FCHSD2: variants seen among roughly 807,000 people sequenced by gnomAD.
FCHSD2 encodes the protein F-BAR and double SH3 domains protein 2.
FCHSD2 carries 38 observed loss-of-function variants against 108.1 expected under a neutral mutation model. The ratio of observed to expected loss-of-function variants is 0.35; its 90% CI spans 0.27 to 0.46. The LOEUF is 0.46. Among genes scored for constraint, FCHSD2 ranks in the 20% least tolerant of loss-of-function variants. The pLI, the probability that FCHSD2 is intolerant of heterozygous loss-of-function variation, is 1.00. For synonymous variants in FCHSD2, 279 were observed against 314.7 expected (o/e 0.89, Z 1.20); for missense variants, 751 against 897.8 (o/e 0.84, Z 2.09).
chr11:73,033,323 G>A (rs954621881), intron 3 of FCHSD2, among the ~76,000 whole-genome samples: 9 of 151,864 alleles, frequency 5.9e-5, no homozygotes, highest in Non-Finnish European at 1.3e-4. Flanking sequence ...TACAGTCAGG[G>A]AGACCCATAG....
At chr11:73,131,537 T>A (rs1275151485) in intron 2 of FCHSD2, among the ~76,000 whole-genome samples, 3 of 149,470 alleles carry the variant, frequency 2.0e-5, no homozygotes, top group African/African-American at 7.4e-5. Context: ...TCAAAAAAAA[T>A]AAAAATTACT....
At chr11:73,023,171 A>G (rs1858147992) in intron 3 of FCHSD2, among the ~76,000 whole-genome samples, 2 of 152,156 alleles carry the variant, frequency 1.3e-5, no homozygotes, top group African/African-American at 4.8e-5. Context: ...GAACCAAGAC[A>G]CATGAAAGAA....
chr11:73,094,375 A>G (rs2135525699), intron 2 of FCHSD2, among the ~76,000 whole-genome samples: 1 of 152,336 alleles, frequency 6.6e-6, no homozygotes, highest in South Asian at 2.1e-4. Context: ...TTACATAATT[A>G]AACTTACATT....
chr11:72,859,284 C>G (rs1861510171), intron 13 of FCHSD2, among the ~76,000 whole-genome samples: 1 of 152,162 alleles, frequency 6.6e-6, no homozygotes, highest in Admixed American at 6.5e-5. Flanking sequence ...TCTGTCTCCC[C>G]AGATGTGAAT....
intron 2 of FCHSD2, among the ~76,000 whole-genome samples, chr11:73,104,847 C>T (rs1259291998): frequency 1.3e-5 from 2 of 152,124 alleles, no homozygotes; most frequent in Non-Finnish European, 2.9e-5. Context: ...CCTGAGTCAC[C>T]GTGCCTGGCC....
At chr11:72,969,552 T>G (rs111577880) in intron 8 of FCHSD2, among the ~76,000 whole-genome samples, 2 of 152,190 alleles carry the variant, frequency 1.3e-5, no homozygotes, top group African/African-American at 4.8e-5. Flanking sequence ...AGTGGAACTT[T>G]AGGCAAAATT....
Position 73,064,456 on chromosome 11 carries a change from T to C in FCHSD2, c.165+19239A>G, listed in dbSNP as rs191010171. Among the ~76,000 whole-genome samples the C allele has an allele frequency of 1.1e-3, 167 of 148,038 alleles. 1 individual carries two copies. The highest frequency in any genetic ancestry group is 4.0e-3 in the African/African-American group (160 of 40,050). ...AAGATCAGAGCAGAACTGAAGGAGA[T>C]AGAAACAAGAAAAACCCTTCAAAAA... On this transcript the variant is annotated intron_variant, in intron 3 of 19. Transcript: ENST00000409418.
intron 4 of FCHSD2, among the ~76,000 whole-genome samples, chr11:73,012,696 T>A (rs779992108): frequency 6.6e-6 from 1 of 152,146 alleles, no homozygotes; most frequent in Admixed American, 6.6e-5. Context: ...CTGGGAGTCA[T>A]TGTATAATTC....
intron 9 of FCHSD2, among the ~76,000 whole-genome samples, chr11:72,916,818 G>A (rs550070051): frequency 3.9e-5 from 6 of 152,078 alleles, no homozygotes; most frequent in East Asian, 1.9e-4. Context: ...GTTTTCTTTC[G>A]TTACTTGTGC....
chr11:73,111,702 G>A (rs182862834), intron 2 of FCHSD2, among the ~76,000 whole-genome samples: 1 of 151,788 alleles, frequency 6.6e-6, no homozygotes, highest in Admixed American at 6.6e-5. Flanking sequence ...TTTAGTGAAG[G>A]TGATTTTCTC....
chr11:73,125,660 G>A (rs995716318), intron 2 of FCHSD2, among the ~76,000 whole-genome samples: 17 of 151,672 alleles, frequency 1.1e-4, no homozygotes, highest in African/African-American at 3.2e-4. Flanking sequence ...AGCCATGACC[G>A]CACCACTATA....
At chr11:73,048,891 G>A (rs1858827724) in intron 3 of FCHSD2, among the ~76,000 whole-genome samples, 1 of 152,104 alleles carries the variant, frequency 6.6e-6, no homozygotes. Flanking sequence ...ATTCAATAAC[G>A]ACCACACAAA....
chr11:72,867,242 A>G (rs1381222003), intron 13 of FCHSD2, among the ~76,000 whole-genome samples: 1 of 152,198 alleles, frequency 6.6e-6, no homozygotes, highest in Non-Finnish European at 1.5e-5. Context: ...AGGCAAATCA[A>G]CCGAATTTTT....
chr11:72,930,210 T>C (rs916570943), intron 8 of FCHSD2, among the ~76,000 whole-genome samples: 2 of 152,296 alleles, frequency 1.3e-5, no homozygotes, highest in Middle Eastern at 3.4e-3. Flanking sequence ...CTGCTGAAAC[T>C]GCCTGTGGTA....
intron 8 of FCHSD2, among the ~76,000 whole-genome samples, chr11:72,948,536 A>G (rs1280311586): frequency 1.3e-5 from 2 of 152,244 alleles, no homozygotes; most frequent in African/African-American, 2.4e-5. Flanking sequence ...CATTTGATAC[A>G]TATTACCAAT....
chr11:73,018,618 C>T (rs1858027041), intron 3 of FCHSD2, among the ~76,000 whole-genome samples: 1 of 151,576 alleles, frequency 6.6e-6, no homozygotes, highest in African/African-American at 2.4e-5. Context: ...TAAATGCCAC[C>T]TACATTACTC....
chr11:73,123,381 G>A (rs916242296), intron 2 of FCHSD2, among the ~76,000 whole-genome samples: 6 of 152,132 alleles, frequency 3.9e-5, no homozygotes, highest in Non-Finnish European at 2.9e-5. Flanking sequence ...CATATTAAAC[G>A]GTGGTAACTC....
rs1168315667 is a variant in FCHSD2 at position 73,001,134 on chromosome 11, C to T, written c.243G>A (p.Arg81=). ...GVKADDRNDY[R]SMYPVWKSFL... ...AAGATTTCCAAACGGGATACATGCT[C>T]CTAAATTCAAAGAGGGATAGAAAAG... Residue 81 remains arginine, a splice_region_variant and synonymous_variant, in exon 5 of 20, where the codon AGG becomes AGA. Coordinates refer to ENST00000409418, the MANE Select transcript of FCHSD2 (RefSeq NM_014824.3). 1.2e-6 allele frequency: 2 copies of T among 1,611,890 alleles called. No individual in the cohort carries two copies. The highest frequency in any genetic ancestry group is 2.2e-5 in the South Asian group (2 of 90,530).
At chr11:72,974,305 T>G (rs1196631891) in intron 8 of FCHSD2, among the ~76,000 whole-genome samples, 1 of 152,162 alleles carries the variant, frequency 6.6e-6, no homozygotes, top group Non-Finnish European at 1.5e-5. Context: ...GGCCAAACTT[T>G]TCCTTTTATC....
Sources: gnomAD v4.1 joint callset for allele counts (sites outside exome capture counted in the v4.1 genomes callset) on GRCh38, gnomAD v4.1.1 for gene constraint, MANE v1.5 for transcripts, NCBI Gene and HGNC (gene_info 2026-07-23, HGNC 2026-07-21) for gene names.